Variants in DNMT3A observed in about 807,000 individuals in gnomAD.
The protein encoded by DNMT3A is DNA methyltransferase 3 alpha.
DNMT3A carries 267 observed loss-of-function variants against 117.6 expected under a neutral mutation model. That is an observed-to-expected ratio of 2.27 (90% CI 2.05 to 2.51). The LOEUF is 2.51. DNMT3A is among the 30% of genes most tolerant of loss of function. The pLI is 0.00. For missense variants in DNMT3A, 1,029 were observed against 1,260.2 expected, an observed-to-expected ratio of 0.82 and a Z score of 2.78; for synonymous variants, 432 against 474.8, an observed-to-expected ratio of 0.91 and a Z score of 1.17.
intron 3 of DNMT3A, among the ~76,000 whole-genome samples, chr2:25,291,580 A>G (rs1266255841): frequency 2.0e-5 from 3 of 152,234 alleles, no homozygotes; most frequent in Non-Finnish European, 4.4e-5. Flanking sequence ...GGGGTCAGGG[A>G]TGGCGGGACC....
At chr2:25,309,973 G>A (rs1171478507) in intron 2 of DNMT3A, among the ~76,000 whole-genome samples, 3 of 152,174 alleles carry the variant, frequency 2.0e-5, no homozygotes, top group Middle Eastern at 3.4e-3. Context: ...GGAGAATGGC[G>A]TGAACCCGGG....
intron 2 of DNMT3A, among the ~76,000 whole-genome samples, chr2:25,303,029 A>G (rs995068052): frequency 6.6e-6 from 1 of 152,156 alleles, no homozygotes; most frequent in African/African-American, 2.4e-5. Context: ...ACAGCTTCAC[A>G]AAGGGTCTGC....
rs796365312 is a variant in DNMT3A at position 25,288,099 on chromosome 2, G to A, written c.178-5388C>T. ...GATCCACCCACCTCAGCCTCCCAAA[G>A]TGCTGAGATTACAGGCATGAGCCAC... On this transcript the variant is annotated intron_variant, in intron 3 of 22. Transcript: ENST00000321117. Among the ~76,000 whole-genome samples the A allele has an allele frequency of 2.5e-4, 37 of 149,960 alleles. 1 individual carries two copies. The highest frequency in any genetic ancestry group is 8.8e-4 in the African/African-American group (36 of 40,980).
intron 6 of DNMT3A, among the ~76,000 whole-genome samples, chr2:25,271,011 C>T (rs767037363): frequency 2.0e-5 from 3 of 151,080 alleles, no homozygotes; most frequent in Non-Finnish European, 4.4e-5. Flanking sequence ...GCAACAAGTG[C>T]GAAACTCCGT....
In DNMT3A at chr2:25,252,005, G is replaced by GGCAGGAAGGCGGCGGGCCA; in HGVS notation, c.640-3772_640-3754dup. On this transcript the variant is annotated intron_variant, in intron 6 of 22. Coordinates refer to ENST00000321117, the MANE Select transcript of DNMT3A (RefSeq NM_022552.5). This position sits in a 1 kb window ranked among gnomAD's most constrained non-coding sequence, Gnocchi z 5.5. ...GAGGAGTGGGGCCTTGGGGCTCGTG[G>GGCAGGAAGGCGGCGGGCCA]GCAGGAAGGCGGCGGGCCAGCACTA... 1 of 671,258 alleles carries GGCAGGAAGGCGGCGGGCCA rather than the reference G, an allele frequency of 1.5e-6. No homozygotes were observed. Among genetic ancestry groups the GGCAGGAAGGCGGCGGGCCA allele is most frequent in the Non-Finnish European group, 2.3e-6 (1 of 428,022 alleles). 41.6% of individuals were successfully genotyped at this position (671,258 alleles called of 1,614,324 possible). A position where few individuals can be genotyped will look rare whatever the true frequency, so the allele number is the denominator to read the frequency against.
intron 6 of DNMT3A, among the ~76,000 whole-genome samples, chr2:25,258,308 G>C (rs1268782748): frequency 6.6e-6 from 1 of 152,248 alleles, no homozygotes; most frequent in African/African-American, 2.4e-5. Flanking sequence ...TCCTCCCTGA[G>C]TCTGGGGAGA....
intron 6 of DNMT3A, chr2:25,251,971 G>T: frequency 1.9e-6 from 1 of 531,072 alleles, no homozygotes; most frequent in Non-Finnish European, 3.2e-6. Flanking sequence ...AGGTGCCACT[G>T]GAGCCCTCGA....
intron 22 of DNMT3A, among the ~76,000 whole-genome samples, chr2:25,235,128 T>A (rs1264373450): frequency 6.6e-6 from 1 of 151,606 alleles, no homozygotes; most frequent in East Asian, 1.9e-4. Flanking sequence ...AGTGGTTCCC[T>A]GGGGGATCAG....
intron 6 of DNMT3A, among the ~76,000 whole-genome samples, chr2:25,260,514 G>C (rs1160462820): frequency 2.6e-5 from 4 of 152,040 alleles, no homozygotes; most frequent in African/African-American, 9.7e-5. Flanking sequence ...ACAGCATCTA[G>C]CGTCAAATAT....
chr2:25,251,809 A>G (rs141688699), intron 6 of DNMT3A: 4 of 294,710 alleles, frequency 1.4e-5, no homozygotes, highest in Non-Finnish European at 2.5e-5. Context: ...CCAGAAACGC[A>G]GGTCACCAGG....
rs1355581448 is a variant in DNMT3A, at chr2:25,252,535, C to A, written c.640-4283G>T. On this transcript the variant is annotated intron_variant, in intron 6 of 22. Coordinates refer to ENST00000321117, the MANE Select transcript of DNMT3A (RefSeq NM_022552.5). The surrounding 1 kb of genome is among the most constrained non-coding windows in gnomAD (Gnocchi z 5.5). ...CCGTTCCCCGCCCGTTCCCAGGGCCCGCCCAGGCCGGGCTGCAGGGAGCGC... is the reference window on the plus strand; with the variant it reads ...CCGTTCCCCGCCCGTTCCCAGGGCCAGCCCAGGCCGGGCTGCAGGGAGCGC... Among the ~76,000 whole-genome samples, 1 of 151,412 alleles carries A rather than the reference C, an allele frequency of 6.6e-6. No individual in the cohort carries two copies. Among genetic ancestry groups the A allele is most frequent in the African/African-American group, 2.4e-5 (1 of 41,206 alleles).
intron 1 of DNMT3A, among the ~76,000 whole-genome samples, chr2:25,326,540 T>C (rs933588711): frequency 1.2e-4 from 18 of 152,186 alleles, no homozygotes; most frequent in African/African-American, 4.1e-4. Context: ...TAACTACTTT[T>C]CCTTTGTCAG....
At chr2:25,244,408 G>T in intron 14 of DNMT3A, 70 bp from the exon 15 acceptor site, 1 of 1,564,944 alleles carries the variant, frequency 6.4e-7, no homozygotes, top group Non-Finnish European at 8.7e-7. Context: ...GTGCTACCTG[G>T]AATGGAAAGA....
In DNMT3A at chr2:25,282,194, A is replaced by C; in HGVS notation, c.448+247T>G. On this transcript the variant is annotated intron_variant, in intron 4 of 22. Coordinates refer to ENST00000321117, the MANE Select transcript of DNMT3A (RefSeq NM_022552.5). The surrounding 1 kb of genome is among the most constrained non-coding windows in gnomAD (Gnocchi z 5.2). ...TGAGAAGCCAAAACTCCAGATTTTT[A>C]TGTGAAATTTTTTGATTTTTAAATA... is the stretch of plus-strand genomic sequence containing the variant. 8.2e-7 allele frequency: 1 copy of C among 1,219,588 alleles called. No homozygotes were observed. The highest frequency in any genetic ancestry group is 1.0e-6 in the Non-Finnish European group (1 of 964,390). 75.5% of individuals were successfully genotyped at this position (1,219,588 alleles called of 1,614,324 possible).
At position 25,234,179 on chromosome 2, in the gene DNMT3A, A is replaced by C; in HGVS notation, c.*100T>G. ...TCCTTTTTCTCTTCTGGGTGCTGAT[A>C]CTTCTCTCCATCCTCATGTTCTTGG... On this transcript the variant is annotated 3_prime_UTR_variant, in exon 23 of 23. Coordinates refer to ENST00000321117, the MANE Select transcript of DNMT3A (RefSeq NM_022552.5). This position sits in a 1 kb window ranked among gnomAD's most constrained non-coding sequence, Gnocchi z 4.5. 1.4e-6 allele frequency: 2 copies of C among 1,479,528 alleles called. No individual in the cohort carries two copies. The highest frequency in any genetic ancestry group is 1.8e-6 in the Non-Finnish European group (2 of 1,104,924). 91.7% of individuals were successfully genotyped at this position (1,479,528 alleles called of 1,614,324 possible).
Position 25,247,307 on chromosome 2 carries a change from AAG to A in DNMT3A, c.1015-151_1015-150del. Reference sequence around the variant, plus strand: ...CAGTGATAAATAATTACCCGATGCAAAGAGGAGTCCAGACCAAGAGTAGGGAA... The same window carrying A: ...CAGTGATAAATAATTACCCGATGCAAAGGAGTCCAGACCAAGAGTAGGGAA... On this transcript the variant is annotated intron_variant, in intron 8 of 22. Transcript: ENST00000321117. The surrounding 1 kb of genome is among the most constrained non-coding windows in gnomAD (Gnocchi z 5.6). The A allele has an allele frequency of 1.2e-6, 1 of 843,922 alleles. No individual in the cohort carries two copies. Among genetic ancestry groups the A allele is most frequent in the South Asian group, 1.7e-5 (1 of 58,378 alleles). 52.3% of individuals were successfully genotyped at this position (843,922 alleles called of 1,614,324 possible).
rs1403479847 is a variant in DNMT3A at position 25,304,479 on chromosome 2, G to A, written c.73-4236C>T. ...CCCTGCCTCGTGCAAATCCCAGCAC[G>A]CCGCCCACCATATGCAGCGATCCCT... On this transcript the variant is annotated intron_variant, in intron 2 of 22. Coordinates refer to ENST00000321117, the MANE Select transcript of DNMT3A (RefSeq NM_022552.5). This position sits in a 1 kb window ranked among gnomAD's most constrained non-coding sequence, Gnocchi z 4.3. Among the ~76,000 whole-genome samples the A allele has an allele frequency of 6.6e-6, 1 of 151,888 alleles. No homozygotes were observed. The highest frequency in any genetic ancestry group is 2.4e-5 in the African/African-American group (1 of 41,302).
At chr2:25,289,072 C>T (rs1487832790) in intron 3 of DNMT3A, among the ~76,000 whole-genome samples, 1 of 151,888 alleles carries the variant, frequency 6.6e-6, no homozygotes, top group African/African-American at 2.4e-5. Context: ...TTACTGTGGC[C>T]TCCCTCCTCG....
intron 3 of DNMT3A, among the ~76,000 whole-genome samples, chr2:25,295,336 C>T (rs916935677): frequency 1.3e-5 from 2 of 152,252 alleles, no homozygotes; most frequent in Non-Finnish European, 2.9e-5. Context: ...AAGCCCCGCC[C>T]TGCCCTGCAG....
Sources: allele counts gnomAD v4.1 joint callset (sites outside exome capture counted in the v4.1 genomes callset), GRCh38; gene constraint gnomAD v4.1.1; non-coding constraint Gnocchi (gnomAD v3.1); transcripts MANE v1.5; gene names NCBI Gene and HGNC (gene_info 2026-07-23, HGNC 2026-07-21).